The following BDH1 variants were observed in gnomAD, a reference collection of about 807,000 sequenced individuals.
BDH1 encodes the protein 3-hydroxybutyrate dehydrogenase 1, also known as D-beta-hydroxybutyrate dehydrogenase, mitochondrial.
Under a neutral mutation model 33.1 loss-of-function variants are expected in BDH1, and 30 were observed. The observed-to-expected ratio is 0.91, with a 90% CI of 0.68 to 1.23. The LOEUF is 1.23. BDH1 is among the 50% of genes most tolerant of loss of function. The pLI is 0.00. For missense variants in BDH1, 443 were observed against 464.4 expected, an observed-to-expected ratio of 0.95 and a Z score of 0.42; for synonymous variants, 190 against 183.6, an observed-to-expected ratio of 1.03 and a Z score of -0.28.
rs114600793 is a variant in BDH1, at chr3:197,512,284, C to T, written c.643G>A (p.Val215Ile). Residue 215 changes from valine (V) to isoleucine (I), a missense_variant, in exon 8 of 8, where the codon GTA (valine) becomes ATA (isoleucine). Coordinates refer to ENST00000392379, the MANE Select transcript of BDH1 (RefSeq NM_203314.3). ...CGCAGGCAGTCCGAGAAAGCCTCTA[C>T]CCCGAACTTGGTGATGCAGTACGGG... ...RSPYCITKFGVEAFSDCLRYE... is the reference protein window; with the variant it reads ...RSPYCITKFGIEAFSDCLRYE... 6.3e-4 allele frequency: 1,017 copies of T among 1,612,816 alleles called. 6 individuals carry two copies. The African/African-American group carries it at 0.011, about 18-fold the overall frequency.
chr3:197,514,310 TG>T lies in BDH1; in HGVS notation c.515del (p.Thr172LysfsTer4), dbSNP rs746070120. 5 of 1,614,050 alleles carry T rather than the reference TG, an allele frequency of 3.1e-6. No homozygotes were observed. The highest frequency in any genetic ancestry group is 4.2e-6 in the Non-Finnish European group (5 of 1,179,938). On this transcript the variant is annotated frameshift_variant, in exon 7 of 8. Coordinates refer to ENST00000392379, the MANE Select transcript of BDH1 (RefSeq NM_203314.3). LOFTEE classifies it high-confidence loss of function. The surrounding 1 kb of genome is among the most constrained non-coding windows in gnomAD (Gnocchi z 4.2). ...KQVAEVNLWG[T>X]VRMTKSFLPL... The stretch of plus-strand genomic sequence containing the variant: ...GGAGAAAGGATTTCGTCATCCGCAC[TG>T]TGCCCCAAAGGTTCACTTCTGCCAC...
chr3:197,555,615 C>T (rs1272772140), intron 1 of BDH1, 166 bp downstream of exon 1: 1 of 152,412 alleles, frequency 6.6e-6, no homozygotes, highest in Non-Finnish European at 1.5e-5. Flanking sequence ...GCCATCCTAC[C>T]CTTACCCCGC....
chr3:197,572,874 T>TA (rs200792359), intron 1 of BDH1, among the ~76,000 whole-genome samples: 5,080 of 152,302 alleles, frequency 0.033, 135 homozygotes, highest in Non-Finnish European at 0.048. Context: ...CAAGCTGTTT[T>TA]AAAAAACAAG....
At chr3:197,548,873 A>C (rs944919580) in intron 2 of BDH1, among the ~76,000 whole-genome samples, 3 of 134,438 alleles carry the variant, frequency 2.2e-5, no homozygotes, top group East Asian at 1.9e-4. Context: ...AACAAAAAAA[A>C]ACAAAAAAAA....
chr3:197,560,667 C>T (rs1422656166), upstream of BDH1, among the ~76,000 whole-genome samples: 1 of 152,318 alleles, frequency 6.6e-6, no homozygotes, highest in East Asian at 1.9e-4. Context: ...AGTGCTATTT[C>T]TTTACTGCAC....
intron 3 of BDH1, among the ~76,000 whole-genome samples, chr3:197,541,217 G>A (rs1715595501): frequency 6.6e-6 from 1 of 152,156 alleles, no homozygotes. Context: ...CAAACTCCCA[G>A]GTCCCTCCCG....
At chr3:197,557,361 GGAATGAATA>G (rs1560344913), upstream of BDH1, among the ~76,000 whole-genome samples, 1 of 152,178 alleles carries the variant, frequency 6.6e-6, no homozygotes, top group African/African-American at 2.4e-5. The surrounding 1 kb of genome is among the most constrained non-coding windows in gnomAD (Gnocchi z 4.6). Context: ...GTACAGAGAA[GGAATGAATA>G]GAATGAAGAG....
intron 1 of BDH1, among the ~76,000 whole-genome samples, chr3:197,566,497 T>TA (rs1324234202): frequency 1.3e-5 from 2 of 152,198 alleles, no homozygotes; most frequent in Non-Finnish European, 2.9e-5. Flanking sequence ...GGCTCAGCTT[T>TA]AAAAAAATGT....
intron 6 of BDH1, among the ~76,000 whole-genome samples, chr3:197,519,612 C>T (rs370798914): frequency 2.6e-5 from 4 of 151,956 alleles, no homozygotes; most frequent in South Asian, 4.1e-4. Context: ...TTCAGTGAGC[C>T]GAGATCGCAC....
chr3:197,557,729 CAAAT>C (rs1298507732), upstream of BDH1, among the ~76,000 whole-genome samples: 2 of 152,224 alleles, frequency 1.3e-5, no homozygotes, highest in Admixed American at 6.5e-5. This position sits in a 1 kb window ranked among gnomAD's most constrained non-coding sequence, Gnocchi z 4.6. Flanking sequence ...AACAAACAAA[CAAAT>C]AAAACTGTTG....
intron 1 of BDH1, among the ~76,000 whole-genome samples, chr3:197,569,327 G>A (rs1469835036): frequency 1.3e-5 from 2 of 152,072 alleles, no homozygotes; most frequent in South Asian, 2.1e-4. Context: ...CATCATTCAT[G>A]TGGATAATCC....
chr3:197,524,784 G>T (rs575881968), intron 5 of BDH1, among the ~76,000 whole-genome samples: 1 of 152,088 alleles, frequency 6.6e-6, no homozygotes, highest in Non-Finnish European at 1.5e-5. Context: ...GGGAAAGGTG[G>T]TACAGAGACA....
At position 197,528,307 on chromosome 3, in the gene BDH1, T is replaced by C. The variant is rs954766152; in HGVS notation, c.267+4105A>G. ...GTCTGTATGAGTGAGTGAGTGAGTG[T>C]GTGTGTGTGTGTGTGTGTGTGTGTG... On this transcript the variant is annotated intron_variant, in intron 5 of 7. Coordinates refer to ENST00000392379, the MANE Select transcript of BDH1 (RefSeq NM_203314.3). This position sits in a 1 kb window ranked among gnomAD's most constrained non-coding sequence, Gnocchi z 5.1. 1.4e-5 allele frequency: 2 copies of C among 141,848 alleles called. No individual in the cohort carries two copies. Among genetic ancestry groups the C allele is most frequent in the Non-Finnish European group, 3.1e-5 (2 of 64,608 alleles). The allele number at this position is 141,848 out of a possible 1,614,324, so 8.8% of individuals were successfully genotyped here.
chr3:197,519,495 T>C (rs1193816915), intron 6 of BDH1, among the ~76,000 whole-genome samples: 1 of 149,756 alleles, frequency 6.7e-6, no homozygotes, highest in African/African-American at 2.5e-5. Flanking sequence ...ACCCCTTCTT[T>C]ACTAAAAAAA....
intron 6 of BDH1, chr3:197,515,649 C>A (rs746993128): frequency 4.1e-6 from 4 of 985,424 alleles, no homozygotes; most frequent in Non-Finnish European, 3.6e-6. Context: ...AATGAGTGTC[C>A]ACAAATACCG....
upstream of BDH1, among the ~76,000 whole-genome samples, chr3:197,559,932 C>CA (rs1453720420): frequency 7.9e-5 from 12 of 152,228 alleles, no homozygotes; most frequent in African/African-American, 2.9e-4. Context: ...AGGTCACTCC[C>CA]AACACTGCAT....
At position 197,512,141 on chromosome 3, in the gene BDH1, C is replaced by T. The variant is rs987355205; in HGVS notation, c.786G>A (p.Glu262=). Residue 262 remains glutamate, a synonymous_variant, in exon 8 of 8, where the codon GAG becomes GAA. Transcript: ENST00000392379. ...SIQAIAKKMW[E]ELPEVVRKDY... ...CCTTGCGCACGACCTCAGGCAGCTCCTCCCACATCTTCTTGGCGATGGCCT... is the reference window on the plus strand; with the variant it reads ...CCTTGCGCACGACCTCAGGCAGCTCTTCCCACATCTTCTTGGCGATGGCCT... 1 of 1,614,072 alleles carries T rather than the reference C, an allele frequency of 6.2e-7. No individual in the cohort carries two copies. Among genetic ancestry groups the T allele is most frequent in the Non-Finnish European group, 8.5e-7 (1 of 1,180,042 alleles).
chr3:197,548,280 AC>A (rs35152240), intron 2 of BDH1, among the ~76,000 whole-genome samples: 20,814 of 152,042 alleles, frequency 0.14, 1,708 homozygotes, highest in African/African-American at 0.2. Context: ...TTCATGAGGC[AC>A]CCCCTCCCAC....
In BDH1 at chr3:197,520,560, C is replaced by G. The variant is rs1187010814; in HGVS notation, c.409+2080G>C. On this transcript the variant is annotated intron_variant, in intron 6 of 7. Coordinates refer to ENST00000392379, the MANE Select transcript of BDH1 (RefSeq NM_203314.3). This position sits in a 1 kb window ranked among gnomAD's most constrained non-coding sequence, Gnocchi z 6.0. ...AGTCAGGGGGGCAGGGGACGAGGAC[C>G]GCCAGCCTGAGCAAGCCGGCCTGGT... Among the ~76,000 whole-genome samples the G allele has an allele frequency of 1.3e-5, 2 of 152,028 alleles. No individual in the cohort carries two copies. The highest frequency in any genetic ancestry group is 2.4e-5 in the African/African-American group (1 of 41,406).
Sources: gnomAD v4.1 joint callset for allele counts (sites outside exome capture counted in the v4.1 genomes callset) on GRCh38, gnomAD v4.1.1 for gene constraint, Gnocchi (gnomAD v3.1) non-coding constraint, MANE v1.5 for transcripts, NCBI Gene and HGNC (gene_info 2026-07-23, HGNC 2026-07-21) for gene names.